KLHL29: variants seen among roughly 807,000 people sequenced by gnomAD.
The protein encoded by KLHL29 is kelch like family member 29, also known as kelch-like protein 29.
In KLHL29, 21 loss-of-function variants were observed where a neutral mutation model predicts 80.4. The ratio of observed to expected loss-of-function variants is 0.26; its 90% confidence interval spans 0.19 to 0.38. The LOEUF is 0.38. Among genes scored for constraint, KLHL29 ranks in the 10% least tolerant of loss-of-function variants. The pLI is 1.00. For synonymous variants in KLHL29, 511 were observed against 526.8 expected (o/e 0.97, Z 0.41); for missense variants, 867 against 1,223.9 (o/e 0.71, Z 4.35).
chr2:23,401,846 A>G (rs1666606191), intron 1 of KLHL29, among the ~76,000 whole-genome samples: 1 of 152,244 alleles, frequency 6.6e-6, no homozygotes, highest in African/African-American at 2.4e-5. Context: ...GCAGCTTTGT[A>G]GGGAGCAGTC....
chr2:23,644,065 G>A (rs1022729553), intron 5 of KLHL29: 4 of 152,100 alleles, frequency 2.6e-5, no homozygotes, highest in African/African-American at 7.2e-5. Context: ...CAACAATAAA[G>A]CTCATGTCTG....
intron 2 of KLHL29, among the ~76,000 whole-genome samples, chr2:23,476,385 A>G (rs141611507): frequency 3.4e-4 from 52 of 152,312 alleles, no homozygotes; most frequent in African/African-American, 1.2e-3. Flanking sequence ...TAGTAGCTAA[A>G]AGTATATAAA....
chr2:23,572,951 G>A (rs1319434279), intron 3 of KLHL29, among the ~76,000 whole-genome samples: 2 of 152,200 alleles, frequency 1.3e-5, no homozygotes, highest in African/African-American at 2.4e-5. Flanking sequence ...GCCTCCCAAA[G>A]TGCTGGGATT....
intron 5 of KLHL29, among the ~76,000 whole-genome samples, chr2:23,657,913 T>G (rs1043965010): frequency 3.3e-5 from 5 of 152,212 alleles, no homozygotes; most frequent in Non-Finnish European, 7.3e-5. Flanking sequence ...CTCAGCTGCC[T>G]GACAGAAGCC....
At position 23,702,182 on chromosome 2, in the gene KLHL29, G is replaced by A. The variant is rs574916981; in HGVS notation, c.2106-1004G>A. Among the ~76,000 whole-genome samples the A allele has an allele frequency of 1.1e-4, 17 of 152,194 alleles. No homozygotes were observed. The East Asian group carries it at 3.1e-3, about 28-fold the overall frequency. On this transcript the variant is annotated intron_variant, in intron 11 of 13. Coordinates refer to ENST00000486442, the MANE Select transcript of KLHL29 (RefSeq NM_052920.2). ...CCATTCCATACTATGGGAGCACCTT[G>A]ACTGATGATGGGGTTATGTCCTGAT...
chr2:23,505,909 T>TG (rs895029170), intron 2 of KLHL29, among the ~76,000 whole-genome samples: 6 of 152,230 alleles, frequency 3.9e-5, no homozygotes, highest in Admixed American at 1.3e-4. Context: ...CAAAGGGCGT[T>TG]GGGGGTCTCT....
intron 2 of KLHL29, among the ~76,000 whole-genome samples, chr2:23,519,256 T>A (rs1209783187): frequency 6.6e-6 from 1 of 152,132 alleles, no homozygotes. Flanking sequence ...ACCCATGACT[T>A]CTTCCAGCCA....
chr2:23,611,884 CAA>C (rs61102659), intron 3 of KLHL29, among the ~76,000 whole-genome samples: 2 of 127,760 alleles, frequency 1.6e-5, no homozygotes. Context: ...CAGATGCAAC[CAA>C]AAAAAAAAAA....
chr2:23,388,606 T>C (rs1666240656), intron 1 of KLHL29, among the ~76,000 whole-genome samples: 1 of 152,252 alleles, frequency 6.6e-6, no homozygotes, highest in Non-Finnish European at 1.5e-5. Flanking sequence ...ACCTTATAAA[T>C]CTTTGGCATC....
intron 3 of KLHL29, among the ~76,000 whole-genome samples, chr2:23,603,310 C>T (rs1036213207): frequency 6.6e-6 from 1 of 152,150 alleles, no homozygotes; most frequent in Non-Finnish European, 1.5e-5. Context: ...TGGCTGGATC[C>T]CACCTCCAAC....
At chr2:23,421,859 ATG>A (rs2103402443) in intron 1 of KLHL29, among the ~76,000 whole-genome samples, 1 of 148,174 alleles carries the variant, frequency 6.7e-6, no homozygotes, top group South Asian at 2.1e-4. Flanking sequence ...CTGTGTGTGA[ATG>A]TGTATTTCTG....
rs1157052143 is a variant in KLHL29, at chr2:23,596,830, C to A, written c.285+34349C>A. On this transcript the variant is annotated intron_variant, in intron 3 of 13. Transcript: ENST00000486442. This position sits in a 1 kb window ranked among gnomAD's most constrained non-coding sequence, Gnocchi z 4.4. ...ATAAATAAGGGATTCCTGGTACATA[C>A]TTTACCCATTTTTCAGATTTTCCTC... is the stretch of plus-strand genomic sequence containing the variant. Among the ~76,000 whole-genome samples the A allele has an allele frequency of 1.3e-5, 2 of 152,192 alleles. No individual in the cohort carries two copies. The highest frequency in any genetic ancestry group is 1.3e-4 in the Admixed American group (2 of 15,288).
chr2:23,625,565 AG>A (rs1669287772), intron 3 of KLHL29, among the ~76,000 whole-genome samples: 1 of 152,238 alleles, frequency 6.6e-6, no homozygotes, highest in African/African-American at 2.4e-5. Context: ...CGTGCTAGTC[AG>A]GTCTGTGGGT....
chr2:23,401,514 C>T (rs1666598336), intron 1 of KLHL29, among the ~76,000 whole-genome samples: 1 of 152,184 alleles, frequency 6.6e-6, no homozygotes, highest in African/African-American at 2.4e-5. Context: ...TGAGCCTATA[C>T]AGGAGCCGAG....
chr2:23,423,095 G>T (rs1307880516), intron 1 of KLHL29, among the ~76,000 whole-genome samples: 1 of 152,260 alleles, frequency 6.6e-6, no homozygotes, highest in Admixed American at 6.5e-5. Flanking sequence ...GGAGCCGCAG[G>T]CCTCAGCGTG....
intron 5 of KLHL29, among the ~76,000 whole-genome samples, chr2:23,665,000 A>C (rs1198218368): frequency 6.6e-6 from 1 of 152,256 alleles, no homozygotes. Flanking sequence ...TTAAAAGTGC[A>C]CAGAGATAGT....
intron 2 of KLHL29, among the ~76,000 whole-genome samples, chr2:23,499,923 T>G (rs182560483): frequency 6.6e-6 from 1 of 152,334 alleles, no homozygotes; most frequent in East Asian, 1.9e-4. Context: ...AGGTGTTGGC[T>G]TTTTTTAGGA....
In KLHL29 at chr2:23,695,583, C is replaced by G; in HGVS notation, c.1543-40C>G. 7.0e-7 allele frequency: 1 copy of G among 1,431,430 alleles called. No individual in the cohort carries two copies. The highest frequency in any genetic ancestry group is 9.4e-7 in the Non-Finnish European group (1 of 1,060,758). 88.7% of individuals were successfully genotyped at this position (1,431,430 alleles called of 1,614,324 possible). ...CTTTCCGTCCGGGAGGTGGCTCTCT[C>G]TTGCTAGTCTAAGAAGATTCTGTCT... is the stretch of plus-strand genomic sequence containing the variant. On this transcript the variant is annotated intron_variant, in intron 8 of 13. Coordinates refer to ENST00000486442, the MANE Select transcript of KLHL29 (RefSeq NM_052920.2). The surrounding 1 kb of genome is among the most constrained non-coding windows in gnomAD (Gnocchi z 7.6).
At chr2:23,447,551 T>C (rs546173582) in intron 1 of KLHL29, among the ~76,000 whole-genome samples, 1 of 152,328 alleles carries the variant, frequency 6.6e-6, no homozygotes, top group African/African-American at 2.4e-5. Context: ...GCATCACAAA[T>C]CAGTCTGCTG....
Sources: allele counts gnomAD v4.1 joint callset (sites outside exome capture counted in the v4.1 genomes callset), GRCh38; gene constraint gnomAD v4.1.1; non-coding constraint Gnocchi (gnomAD v3.1); transcripts MANE v1.5; gene names NCBI Gene and HGNC (gene_info 2026-07-23, HGNC 2026-07-21).